Variants in KMT2D observed in about 807,000 individuals in gnomAD.
KMT2D encodes the protein lysine methyltransferase 2D, also known as histone-lysine N-methyltransferase 2D.
A neutral mutation model predicts 512.7 loss-of-function variants in KMT2D; 55 were observed. The ratio of observed to expected loss-of-function variants is 0.11; its 90% CI spans 0.09 to 0.13. The LOEUF is 0.13. KMT2D is among the 10% of genes least tolerant of loss of function. The probability of loss-of-function intolerance (pLI) is 1.00; values close to 1 mark genes in which losing one functional copy is unlikely to be tolerated. For missense variants in KMT2D, 6,061 were observed against 7,127.9 expected (o/e 0.85, Z 5.39); for synonymous variants, 2,995 against 2,904.0 (o/e 1.03, Z -1.01).
rs749174619 is a variant in KMT2D, at chr12:49,041,283, G to A, written c.6487C>T (p.Leu2163Phe). 1 of 1,522,190 alleles carries A rather than the reference G, an allele frequency of 6.6e-7. No homozygotes were observed. The highest frequency in any genetic ancestry group is 1.3e-5 in the South Asian group (1 of 76,230). 94.3% of individuals were successfully genotyped at this position (1,522,190 alleles called of 1,614,324 possible). Residue 2163 changes from leucine to phenylalanine, a missense_variant, in exon 32 of 55, where the codon CTC (leucine) becomes TTC (phenylalanine). By Grantham distance (22) the Leu-to-Phe change is conservative. Transcript: ENST00000301067. This position sits in a 1 kb window ranked among gnomAD's most constrained non-coding sequence, Gnocchi z 5.4. ...PDSPGELFLK[L>F]PPQVPAQVPS... is the part of the protein sequence containing the mutation. ...ACTTGGGCGGGCACCTGGGGTGGGAGCTTGAGGAAGAGCTCACCAGGCGAG... is the reference window on the plus strand; with the variant it reads ...ACTTGGGCGGGCACCTGGGGTGGGAACTTGAGGAAGAGCTCACCAGGCGAG...
chr12:49,039,711 G>A lies in KMT2D; in HGVS notation c.8046+13C>T, dbSNP rs367752491. 4 of 1,610,452 alleles carry A rather than the reference G, an allele frequency of 2.5e-6. No homozygotes were observed. The South Asian group carries it at 3.3e-5, about 13-fold the overall frequency. ...AGCGATATAGGGGGCTTAGCTCCAG[G>A]GTGTCAACTTACCTGCCGTTGCTTC... On this transcript the variant is annotated intron_variant, in intron 32 of 54. Coordinates refer to ENST00000301067, the MANE Select transcript of KMT2D (RefSeq NM_003482.4). The surrounding 1 kb of genome is among the most constrained non-coding windows in gnomAD (Gnocchi z 5.0).
Position 49,033,973 on chromosome 12 carries a change from G to A in KMT2D, c.10741-9C>T, listed in dbSNP as rs1223720618. ...TTCTGCTGTTTCCGGACCTAACATG[G>A]GAGGGTCGGAGAGGTCAGGCTGGGG... On this transcript the variant is annotated splice_polypyrimidine_tract_variant and intron_variant, in intron 39 of 54. Coordinates refer to ENST00000301067, the MANE Select transcript of KMT2D (RefSeq NM_003482.4). The A allele has an allele frequency of 6.5e-7, 1 of 1,536,100 alleles. No homozygotes were observed. The highest frequency in any genetic ancestry group is 1.2e-5 in the South Asian group (1 of 83,032).
chr12:49,030,869 G>C lies in KMT2D; in HGVS notation c.13671+24C>G, dbSNP rs1348704925. On this transcript the variant is annotated intron_variant, in intron 41 of 54. Coordinates refer to ENST00000301067, the MANE Select transcript of KMT2D (RefSeq NM_003482.4). Reference sequence around the variant, plus strand: ...GCCCCCTATCCTGGGATGGGACCAGGGGGACTGTCTCCTGGGGGGTCACCT... The same window carrying C: ...GCCCCCTATCCTGGGATGGGACCAGCGGGACTGTCTCCTGGGGGGTCACCT... The C allele has an allele frequency of 1.1e-5, 17 of 1,613,348 alleles. No homozygotes were observed. The Admixed American group carries it at 2.5e-4, about 24-fold the overall frequency.
Position 49,037,694 on chromosome 12 carries a change from G to T in KMT2D, c.9662C>A (p.Thr3221Asn), listed in dbSNP as rs200601717. ...EKFELESGAL[T>N]LPGGPAASGD... ...AGATGCTGCAGGTCCACCAGGCAAG[G>T]TCAAAGCCCCACTCTCGAGCTCAAA... Residue 3221 changes from threonine (T) to asparagine (N), a missense_variant, in exon 35 of 55, where the codon ACC becomes AAC. This residue lies in a region of KMT2D where 533 missense variants were observed against 539.6 expected (regional missense o/e 0.99). Coordinates refer to ENST00000301067, the MANE Select transcript of KMT2D (RefSeq NM_003482.4). The T allele has an allele frequency of 1.2e-4, 188 of 1,586,374 alleles. No individual in the cohort carries two copies. The African/African-American group carries it at 2.4e-3, about 20-fold the overall frequency.
chr12:49,038,949 G>A lies in KMT2D; in HGVS notation c.8407C>T (p.Pro2803Ser). ...GGSQAFYQRAPYPGSLPLQQQ... is the reference protein window; with the variant it reads ...GGSQAFYQRASYPGSLPLQQQ... The stretch of plus-strand genomic sequence containing the variant: ...TGTAAGGGCAGGGACCCAGGATAGG[G>A]TGCTCGCTGATAGAAAGCTTGGGAG... Residue 2803 changes from proline to serine, a missense_variant, in exon 35 of 55, where the codon CCC becomes TCC. Around this residue, in one of 16 missense-constraint regions of KMT2D, gnomAD observed 527 missense variants for 578.9 expected, o/e 0.91. Coordinates refer to ENST00000301067, the MANE Select transcript of KMT2D (RefSeq NM_003482.4). The surrounding 1 kb of genome is among the most constrained non-coding windows in gnomAD (Gnocchi z 5.7). The A allele has an allele frequency of 6.4e-7, 1 of 1,551,776 alleles. No individual in the cohort carries two copies. Among genetic ancestry groups the A allele is most frequent in the East Asian group, 2.4e-5 (1 of 40,926 alleles).
intron 38 of KMT2D, 33 bp downstream of exon 38, chr12:49,034,377 C>A: frequency 1.2e-6 from 2 of 1,613,344 alleles, no homozygotes; most frequent in Non-Finnish European, 1.7e-6. Context: ...CCAAACCACT[C>A]CCCTGCACCT....
At chr12:49,036,254 C>T (rs1461390922) in intron 35 of KMT2D, among the ~76,000 whole-genome samples, 1 of 151,858 alleles carries the variant, frequency 6.6e-6, no homozygotes, top group Non-Finnish European at 1.5e-5. Context: ...GTTCTTGAAA[C>T]ATCCCATAGG....
intron 15 of KMT2D, 86 bp downstream of exon 15, chr12:49,047,879 A>G (rs1003488352): frequency 4.4e-6 from 4 of 913,476 alleles, no homozygotes; most frequent in Non-Finnish European, 7.2e-6. Context: ...GGCCGCTTTA[A>G]GAGGTGGTAT....
Position 49,034,397 on chromosome 12 carries a change from G to T in KMT2D, c.10507+13C>A. The T allele has an allele frequency of 6.2e-7, 1 of 1,613,460 alleles. No homozygotes were observed. Among genetic ancestry groups the T allele is most frequent in the Non-Finnish European group, 8.5e-7 (1 of 1,179,672 alleles). ...CCACTCCCCTGCACCTTCCTCCCAC[G>T]CCCCATACTCACTGATCACTCCCTG... On this transcript the variant is annotated intron_variant, in intron 38 of 54. Coordinates refer to ENST00000301067, the MANE Select transcript of KMT2D (RefSeq NM_003482.4).
Position 49,031,837 on chromosome 12 carries a change from G to C in KMT2D, c.12868C>G (p.Pro4290Ala), listed in dbSNP as rs763571646. 2.6e-6 allele frequency: 4 copies of C among 1,554,360 alleles called. No homozygotes were observed. The African/African-American group carries it at 5.5e-5, about 21-fold the overall frequency. The change falls in exon 40 of 55, where the codon CCT (proline) becomes GCT (alanine). Residue 4290 changes from proline (P) to alanine (A), a missense_variant. Physicochemically the swap from Pro to Ala is conservative, Grantham distance 27 (BLOSUM62 -1). This residue lies in a region of KMT2D where 1,600 missense variants were observed against 1,754.9 expected (regional missense o/e 0.91). Transcript: ENST00000301067. ...GTAGATAAGGCTCCTGGTGGGGCAG[G>C]GAGCCGGGGTGGGCCCTGAGGTCGA... is the stretch of plus-strand genomic sequence containing the variant. The part of the protein sequence containing the change: ...GPRPQGPPRL[P>A]APPGALSTGP...
In KMT2D at chr12:49,050,432, G is replaced by C. The variant is rs770342892; in HGVS notation, c.3156C>G (p.Pro1052=). Residue 1052 remains proline, a synonymous_variant, in exon 12 of 55, where the codon CCC becomes CCG. Transcript: ENST00000301067. Reference sequence around the variant, plus strand: ...CCTTCCCTATGGGACTCAACGGGGAGGGAACGGACAGTGGTAGGGCAGGAG... The same window carrying C: ...CCTTCCCTATGGGACTCAACGGGGACGGAACGGACAGTGGTAGGGCAGGAG... The part of the protein sequence containing the change: ...CSPPALPLSV[P]SPLSPIGKVV... 2 of 1,613,876 alleles carry C rather than the reference G, an allele frequency of 1.2e-6. No homozygotes were observed. Among genetic ancestry groups the C allele is most frequent in the Non-Finnish European group, 1.7e-6 (2 of 1,179,874 alleles).
Position 49,026,814 on chromosome 12 carries a change from T to C in KMT2D, c.15152A>G (p.Asn5051Ser), listed in dbSNP as rs1157766570. Reference protein sequence around the residue: ...GATDGPARLLNLDLDLWVHLN... With the variant: ...GATDGPARLLSLDLDLWVHLN... The stretch of plus-strand genomic sequence containing the variant: ...GTGCACCCACAGGTCCAGGTCCAGG[T>C]TCAGCAGACGGGCAGGCCCATCAGT... The change falls in exon 49 of 55, where the codon AAC (asparagine) becomes AGC (serine). Residue 5051 changes from asparagine to serine, a missense_variant. By Grantham distance (46) the Asn-to-Ser change is conservative. Around this residue, in one of 16 missense-constraint regions of KMT2D, gnomAD observed 14 missense variants for 53.4 expected, o/e 0.26. Transcript: ENST00000301067. The surrounding 1 kb of genome is among the most constrained non-coding windows in gnomAD (Gnocchi z 9.6). 3 of 1,612,928 alleles carry C rather than the reference T, an allele frequency of 1.9e-6. No homozygotes were observed. The highest frequency in any genetic ancestry group is 2.5e-6 in the Non-Finnish European group (3 of 1,179,138).
At chr12:49,045,216 A>G (rs1943729024) in intron 19 of KMT2D, among the ~76,000 whole-genome samples, 2 of 152,200 alleles carry the variant, frequency 1.3e-5, no homozygotes, top group Non-Finnish European at 2.9e-5. Flanking sequence ...CCCTAGGTTC[A>G]CTAAATAGAT....
At chr12:49,030,519 G>C in intron 42 of KMT2D, 80 bp from the exon 43 acceptor site, 3 of 1,462,138 alleles carry the variant, frequency 2.1e-6, no homozygotes, top group Non-Finnish European at 2.8e-6. Context: ...CTCTACGTCA[G>C]CAATTCCCTC....
chr12:49,031,953 G>A lies in KMT2D; in HGVS notation c.12752C>T (p.Ser4251Phe), dbSNP rs747057996. 4 of 1,553,966 alleles carry A rather than the reference G, an allele frequency of 2.6e-6. No homozygotes were observed. In the East Asian group the frequency reaches 6.8e-5, roughly 26 times the overall value. ...PPYQEPGTQT[S>F]PLQGLLGCQP... Reference sequence around the variant, plus strand: ...GCAGCCCAGGAGGCCCTGGAGGGGAGAGGTCTGGGTCCCAGGCTCCTGGTA... The same window carrying A: ...GCAGCCCAGGAGGCCCTGGAGGGGAAAGGTCTGGGTCCCAGGCTCCTGGTA... Residue 4251 changes from serine (S) to phenylalanine (F), a missense_variant, in exon 40 of 55, where the codon TCT becomes TTT. Transcript: ENST00000301067.
rs748336779 is a variant in KMT2D, at chr12:49,040,781, G to A, written c.6989C>T (p.Pro2330Leu). 13 of 1,613,554 alleles carry A rather than the reference G, an allele frequency of 8.1e-6. No homozygotes were observed. Among genetic ancestry groups the A allele is most frequent in the African/African-American group, 8.0e-5 (6 of 74,896 alleles). The change falls in exon 32 of 55, where the codon CCC (proline) becomes CTC (leucine). Residue 2330 changes from proline (P) to leucine (L), a missense_variant. By Grantham distance (98) the Pro-to-Leu change is moderately conservative. Transcript: ENST00000301067. ...TACCTGAGATGCCCGAGGGGTCAGG[G>A]GGGCTTTGAAGACATCAGGTGTCTT... ...ELKTPDVFKA[P>L]LTPRASQVEP...
Position 49,022,265 on chromosome 12 carries a change from C to T in KMT2D, c.16412+15G>A, listed in dbSNP as rs760571239. 2.0e-6 allele frequency: 3 copies of T among 1,507,904 alleles called. No homozygotes were observed. The East Asian group carries it at 7.4e-5, about 37-fold the overall frequency. The allele number at this position is 1,507,904 out of a possible 1,614,324, so 93.4% of individuals were successfully genotyped here. A position where few individuals can be genotyped will look rare whatever the true frequency, so the allele number is the denominator to read the frequency against. ...TCAGGGACCACTAAATCCCTCCTTC[C>T]TCGTCATCTCTCACCTGGCAGGGCC... On this transcript the variant is annotated intron_variant, in intron 53 of 54. Transcript: ENST00000301067. This position sits in a 1 kb window ranked among gnomAD's most constrained non-coding sequence, Gnocchi z 8.6.
Position 49,054,475 on chromosome 12 carries a change from G to A in KMT2D, c.400+53C>T, listed in dbSNP as rs2120709825. On this transcript the variant is annotated intron_variant, in intron 4 of 54. Transcript: ENST00000301067. This position sits in a 1 kb window ranked among gnomAD's most constrained non-coding sequence, Gnocchi z 6.4. ...AGAATTAACAAAAAGAGGATTGCTG[G>A]CTCAGGACTACCCAGCCCTTATCCC... 6.4e-7 allele frequency: 1 copy of A among 1,574,232 alleles called. No homozygotes were observed. The highest frequency in any genetic ancestry group is 2.3e-5 in the East Asian group (1 of 42,724).
rs770422257 is a variant in KMT2D at position 49,034,894 on chromosome 12, C to T, written c.10273G>A (p.Ala3425Thr). 2.5e-6 allele frequency: 4 copies of T among 1,614,020 alleles called. No individual in the cohort carries two copies. The highest frequency in any genetic ancestry group is 3.4e-6 in the Non-Finnish European group (4 of 1,179,906). The change falls in exon 36 of 55, where the codon GCA (alanine) becomes ACA (threonine). Residue 3425 changes from alanine to threonine, a missense_variant. Coordinates refer to ENST00000301067, the MANE Select transcript of KMT2D (RefSeq NM_003482.4). ...TTCAAAGCCACCATCTTGGCCTTTG[C>T]AATGGGATCAATGATATCTTCTGCA... ...FAAEDIIDPI[A>T]KAKMVALKGI...
Sources: allele counts gnomAD v4.1 joint callset (sites outside exome capture counted in the v4.1 genomes callset), GRCh38; gene constraint gnomAD v4.1.1; regional missense constraint gnomAD v4.1.1; non-coding constraint Gnocchi (gnomAD v3.1); transcripts MANE v1.5; gene names NCBI Gene and HGNC (gene_info 2026-07-23, HGNC 2026-07-21).